Variants in AASDH observed in about 807,000 individuals in gnomAD.
AASDH encodes beta-alanine-activating enzyme.
A neutral mutation model predicts 102.3 loss-of-function variants in AASDH; 81 were observed. The ratio of observed to expected loss-of-function variants is 0.79; its 90% CI spans 0.66 to 0.95. AASDH has a LOEUF of 0.95. Ranked by LOEUF, AASDH falls within the 40% of genes least tolerant of loss-of-function variation. The pLI is 0.00. For missense variants in AASDH, 1,203 were observed against 1,266.2 expected (o/e 0.95, Z 0.76); for synonymous variants, 398 against 454.0 (o/e 0.88, Z 1.57).
In AASDH at chr4:56,378,197, T is replaced by C. The variant is rs763516864; in HGVS notation, c.619A>G (p.Ile207Val). The C allele has an allele frequency of 6.2e-7, 1 of 1,613,354 alleles. No individual in the cohort carries two copies. The highest frequency in any genetic ancestry group is 1.1e-5 in the South Asian group (1 of 90,816). ...ATACACTTATGAGGCACTCTGACAA[T>C]CTTCGGTATCCCTGTAGTCCCTGAT... ...HTSGTTGIPK[I>V]VRVPHKCIVP... is the part of the protein sequence containing the mutation. The change falls in exon 4 of 15, where the codon ATT (isoleucine) becomes GTT (valine). Residue 207 changes from isoleucine (I) to valine (V), a missense_variant. By Grantham distance (29) the Ile-to-Val change is conservative (BLOSUM62 3). Transcript: ENST00000205214.
chr4:56,353,987 G>C (rs1749283681), intron 8 of AASDH, 52 bp downstream of exon 8: 4 of 1,467,006 alleles, frequency 2.7e-6, no homozygotes, highest in Admixed American at 2.3e-5. Context: ...GGTGGTGGCT[G>C]CTTCTACTAC....
chr4:56,367,305 T>C (rs1470789999), intron 5 of AASDH, among the ~76,000 whole-genome samples: 5 of 150,494 alleles, frequency 3.3e-5, no homozygotes, highest in East Asian at 2.0e-4. Context: ...AGGTAATTTA[T>C]AGATTCAATG....
chr4:56,381,676 C>CACACACACACACAT, intron 3 of AASDH: 1 of 152,002 alleles, frequency 6.6e-6, no homozygotes, highest in African/African-American at 2.4e-5. Context: ...CACACACACA[C>CACACACACACACAT]AGTTGGGGGG....
At chr4:56,341,496 G>A (rs1444716845) in intron 14 of AASDH, among the ~76,000 whole-genome samples, 8 of 146,808 alleles carry the variant, frequency 5.4e-5, no homozygotes, top group African/African-American at 7.6e-5. Flanking sequence ...GGGTTCCAGC[G>A]ATTCCCCTGC....
At chr4:56,382,343 A>T (rs1753067243) in intron 3 of AASDH, 134 bp downstream of exon 3, 12 of 863,338 alleles carry the variant, frequency 1.4e-5, no homozygotes, top group Non-Finnish European at 1.9e-5. Flanking sequence ...TCAACCCTAA[A>T]AATGTCATAG....
At chr4:56,360,546 C>T (rs1055223146) in intron 5 of AASDH, among the ~76,000 whole-genome samples, 1 of 152,184 alleles carries the variant, frequency 6.6e-6, no homozygotes, top group African/African-American at 2.4e-5. Flanking sequence ...CAAAATTCAG[C>T]AGTTTTAAAA....
intron 11 of AASDH, among the ~76,000 whole-genome samples, chr4:56,346,273 T>G (rs1402723405): frequency 6.6e-6 from 1 of 152,168 alleles, no homozygotes; most frequent in African/African-American, 2.4e-5. Flanking sequence ...CAATTCCCAA[T>G]GTACTTTTTA....
intron 4 of AASDH, among the ~76,000 whole-genome samples, chr4:56,374,392 G>T (rs960149114): frequency 2.8e-5 from 4 of 140,864 alleles, no homozygotes; most frequent in African/African-American, 1.1e-4. Flanking sequence ...AAAAAAAAAG[G>T]ACATTTGAGA....
chr4:56,386,893 T>C (rs1188419839), intron 1 of AASDH, among the ~76,000 whole-genome samples: 1 of 151,240 alleles, frequency 6.6e-6, no homozygotes, highest in East Asian at 1.9e-4. Context: ...GCTACAACTG[T>C]AGAAGCTGCT....
chr4:56,363,834 C>T (rs1364297169), intron 5 of AASDH, among the ~76,000 whole-genome samples: 3 of 152,124 alleles, frequency 2.0e-5, no homozygotes, highest in South Asian at 2.1e-4. Context: ...TCCAAAGGAA[C>T]GCAGCTCCTC....
Position 56,345,705 on chromosome 4 carries a change from A to C in AASDH, c.2489-415T>G, listed in dbSNP as rs185899565. On this transcript the variant is annotated intron_variant, in intron 11 of 14. Coordinates refer to ENST00000205214, the MANE Select transcript of AASDH (RefSeq NM_181806.4). Reference sequence around the variant, plus strand: ...GCAGAATGTGGAGTCATCTACTTCCAGGGTTATTGCAACAATTCAGATAAT... The same window carrying C: ...GCAGAATGTGGAGTCATCTACTTCCCGGGTTATTGCAACAATTCAGATAAT... Among the ~76,000 whole-genome samples, 24 of 152,332 alleles carry C rather than the reference A, an allele frequency of 1.6e-4. No individual in the cohort carries two copies. The East Asian group carries it at 4.6e-3, about 29-fold the overall frequency.
chr4:56,342,110 C>CAAAAAAAA, intron 14 of AASDH, among the ~76,000 whole-genome samples: 1 of 97,470 alleles, frequency 1.0e-5, no homozygotes, highest in African/African-American at 4.3e-5. Context: ...GATTCTGTCT[C>CAAAAAAAA]AAAAAAAAAA....
chr4:56,359,852 C>T (rs768864495), intron 5 of AASDH, among the ~76,000 whole-genome samples: 64 of 152,136 alleles, frequency 4.2e-4, no homozygotes, highest in African/African-American at 1.2e-3. Flanking sequence ...CCACCGTGCC[C>T]GGCCGATGTT....
At position 56,338,362 on chromosome 4, in the gene AASDH, A is replaced by G. The variant is rs751600558; in HGVS notation, c.*40T>C. On this transcript the variant is annotated 3_prime_UTR_variant, in exon 15 of 15. Coordinates refer to ENST00000205214, the MANE Select transcript of AASDH (RefSeq NM_181806.4). Reference sequence around the variant, plus strand: ...GATGTATAATGGTAAAATATTTTCAAATATCTCACATTTGTTATACAAATA... The same window carrying G: ...GATGTATAATGGTAAAATATTTTCAGATATCTCACATTTGTTATACAAATA... 3.2e-6 allele frequency: 5 copies of G among 1,576,862 alleles called. No individual in the cohort carries two copies. The highest frequency in any genetic ancestry group is 2.3e-5 in the South Asian group (2 of 85,378).
At chr4:56,364,961 A>G (rs1160280292) in intron 5 of AASDH, among the ~76,000 whole-genome samples, 1 of 152,202 alleles carries the variant, frequency 6.6e-6, no homozygotes, top group Non-Finnish European at 1.5e-5. Context: ...AGTGTGCTGT[A>G]TTCAGGAAAC....
intron 14 of AASDH, among the ~76,000 whole-genome samples, chr4:56,339,476 C>T (rs554709848): frequency 1.3e-5 from 2 of 152,162 alleles, no homozygotes; most frequent in Admixed American, 6.5e-5. Context: ...CTGGGCCAGG[C>T]GTGGTGTTTC....
intron 5 of AASDH, among the ~76,000 whole-genome samples, chr4:56,368,898 C>T (rs754588756): frequency 6.6e-6 from 1 of 150,814 alleles, no homozygotes; most frequent in South Asian, 2.1e-4. Flanking sequence ...AATATAAACT[C>T]CCTCCCAAAA....
At chr4:56,387,296 G>A (rs1223257742) in intron 1 of AASDH, 66 bp downstream of exon 1, 1 of 152,300 alleles carries the variant, frequency 6.6e-6, no homozygotes, top group Non-Finnish European at 1.5e-5. Context: ...AGCAGGCTCA[G>A]GCCTAGCGGC....
At chr4:56,385,664 C>A (rs902942225) in intron 1 of AASDH, among the ~76,000 whole-genome samples, 3 of 152,188 alleles carry the variant, frequency 2.0e-5, no homozygotes, top group African/African-American at 7.2e-5. Flanking sequence ...ATGGCGTGAT[C>A]TCGGCTCACT....
Sources: gnomAD v4.1 joint callset for allele counts (sites outside exome capture counted in the v4.1 genomes callset) on GRCh38, gnomAD v4.1.1 for gene constraint, MANE v1.5 for transcripts, NCBI Gene and HGNC (gene_info 2026-07-23, HGNC 2026-07-21) for gene names.